Variants in BRD10 observed in about 807,000 individuals in gnomAD.
BRD10 encodes bromodomain containing 10.
At chr9:5,937,045 T>C in the BRD10 span, among the ~76,000 whole-genome samples, 1 of 150,376 alleles carries the variant, frequency 6.6e-6, no homozygotes, top group East Asian at 2.0e-4. Context: ...GCCTGGCAAA[T>C]ATAGTGAACC....
the BRD10 span, among the ~76,000 whole-genome samples, chr9:5,925,593 G>A: frequency 6.6e-6 from 1 of 152,030 alleles, no homozygotes; most frequent in Non-Finnish European, 1.5e-5. Context: ...CTAAGCACCA[G>A]TATCTATTTT....
At chr9:5,967,925 T>A in the BRD10 span, 1 of 767,114 alleles carries the variant, frequency 1.3e-6, no homozygotes, top group African/African-American at 1.8e-5. Flanking sequence ...ACATGTGCAT[T>A]TTACTCTCTC....
chr9:5,936,677 A>G, the BRD10 span, among the ~76,000 whole-genome samples: 1 of 152,202 alleles, frequency 6.6e-6, no homozygotes, highest in African/African-American at 2.4e-5. Context: ...CTGAGTTTTG[A>G]CATAATTTCC....
the BRD10 span, chr9:5,891,348 T>G: frequency 6.6e-6 from 1 of 152,254 alleles, no homozygotes; most frequent in African/African-American, 2.4e-5. Context: ...AAGATTCCAT[T>G]CTGTCATTTT....
At chr9:5,954,758 T>G in the BRD10 span, among the ~76,000 whole-genome samples, 2 of 152,224 alleles carry the variant, frequency 1.3e-5, no homozygotes, top group Admixed American at 6.5e-5. Flanking sequence ...ATCTACTTTT[T>G]GTATTTAACG....
At chr9:5,898,365 C>A in the BRD10 span, among the ~76,000 whole-genome samples, 1 of 152,148 alleles carries the variant, frequency 6.6e-6, no homozygotes, top group South Asian at 2.1e-4. Flanking sequence ...ACTTTTATAA[C>A]CAACCTACTT....
the BRD10 span, among the ~76,000 whole-genome samples, chr9:5,905,747 T>G: frequency 2.6e-5 from 4 of 152,230 alleles, no homozygotes; most frequent in Admixed American, 6.5e-5. Context: ...ATGTATACCT[T>G]CCGTGTATTG....
At chr9:5,975,034 A>C in the BRD10 span, among the ~76,000 whole-genome samples, 1 of 152,218 alleles carries the variant, frequency 6.6e-6, no homozygotes, top group Non-Finnish European at 1.5e-5. Context: ...TAAAATTTAC[A>C]ATGTTTGGCA....
chr9:6,007,943 CG>C, the BRD10 span: 1 of 1,328,302 alleles, frequency 7.5e-7, no homozygotes, highest in Non-Finnish European at 9.6e-7. Context: ...TCGGTGCGCG[CG>C]GGGGTCTTGA....
the BRD10 span, chr9:5,922,926 G>A: frequency 6.2e-7 from 1 of 1,614,042 alleles, no homozygotes; most frequent in South Asian, 1.1e-5. Context: ...GAAGGAGGCA[G>A]TTGATTTGTT....
chr9:5,922,795 T>C, the BRD10 span: 1 of 1,613,984 alleles, frequency 6.2e-7, no homozygotes, highest in South Asian at 1.1e-5. Context: ...CACAGGGCAT[T>C]TTGTATACCA....
chr9:5,940,595 A>G, the BRD10 span, among the ~76,000 whole-genome samples: 136,330 of 152,238 alleles, frequency 0.9, 61,892 homozygotes, highest in Non-Finnish European at 0.99. Flanking sequence ...AATATTGTTT[A>G]GTTAGTCACC....
At chr9:5,956,722 T>C in the BRD10 span, among the ~76,000 whole-genome samples, 2 of 152,180 alleles carry the variant, frequency 1.3e-5, no homozygotes, top group African/African-American at 2.4e-5. Context: ...ATCTCAGTTC[T>C]TCTTATGCAT....
chr9:6,007,295 G>A, the BRD10 span: 5 of 1,613,876 alleles, frequency 3.1e-6, no homozygotes, highest in Non-Finnish European at 4.2e-6. Context: ...CACGTCTCCA[G>A]CATCAACCTG....
the BRD10 span, among the ~76,000 whole-genome samples, chr9:5,973,377 G>A: frequency 2.1e-4 from 32 of 152,314 alleles, no homozygotes; most frequent in Middle Eastern, 3.4e-3. Flanking sequence ...TGAGGCAGGA[G>A]AATCGCTTGA....
the BRD10 span, among the ~76,000 whole-genome samples, chr9:5,962,129 TC>T: frequency 2.0e-5 from 3 of 152,146 alleles, no homozygotes; most frequent in Non-Finnish European, 4.4e-5. Context: ...GCTATAAATT[TC>T]CCTCTACACA....
chr9:5,905,492 C>G, the BRD10 span, among the ~76,000 whole-genome samples: 1 of 152,276 alleles, frequency 6.6e-6, no homozygotes, highest in South Asian at 2.1e-4. Flanking sequence ...TCATGCCCTT[C>G]AAACCATAAA....
At chr9:5,905,522 C>A in the BRD10 span, among the ~76,000 whole-genome samples, 1 of 152,118 alleles carries the variant, frequency 6.6e-6, no homozygotes, top group Non-Finnish European at 1.5e-5. Context: ...TTTTAATTAA[C>A]CCCATATAAT....
the BRD10 span, among the ~76,000 whole-genome samples, chr9:5,923,753 A>G: frequency 2.0e-5 from 3 of 152,340 alleles, no homozygotes; most frequent in East Asian, 5.8e-4. Flanking sequence ...CTAAAGGACA[A>G]AAAATATCCA....
Sources: allele counts gnomAD v4.1 joint callset (sites outside exome capture counted in the v4.1 genomes callset), GRCh38; gene constraint gnomAD v4.1.1; transcripts MANE v1.5; gene names NCBI Gene and HGNC (gene_info 2026-07-23, HGNC 2026-07-21).